Variants in FBRSL1 observed in about 807,000 individuals in gnomAD.
The protein encoded by FBRSL1 is fibrosin like 1, also known as fibrosin-1-like protein.
In FBRSL1, 51 loss-of-function variants were observed where a neutral mutation model predicts 89.6. The observed-to-expected ratio is 0.57, with a 90% confidence interval of 0.45 to 0.72. The LOEUF is 0.72. Among genes scored for constraint, FBRSL1 ranks in the 30% least tolerant of loss-of-function variants. FBRSL1 has a pLI of 0.00. For synonymous variants in FBRSL1, 779 were observed against 681.1 expected (o/e 1.14, Z -2.24); for missense variants, 1,618 against 1,451.8 (o/e 1.11, Z -1.86).
chr12:132,570,103 A>G lies in FBRSL1; in HGVS notation c.869A>G (p.Glu290Gly). 6.7e-7 allele frequency: 1 copy of G among 1,483,162 alleles called. No homozygotes were observed. Among genetic ancestry groups the G allele is most frequent in the African/African-American group, 1.5e-5 (1 of 67,988 alleles). The allele number at this position is 1,483,162 out of a possible 1,614,324, so 91.9% of individuals were successfully genotyped here. The change falls in exon 7 of 19, where the codon GAA (glutamate) becomes GGA (glycine). Residue 290 changes from glutamate to glycine, a missense_variant. By Grantham distance (98) the Glu-to-Gly change is moderately conservative. Coordinates refer to ENST00000680143, the MANE Select transcript of FBRSL1 (RefSeq NM_001367871.1). ...GSRANPLVKK[E>G]PPAPHRHTPQ... ...CGCGCCAATCCCTTGGTGAAGAAGG[A>G]ACCCCCCGCCCCGCACCGCCACACC...
intron 2 of FBRSL1, chr12:132,511,476 T>A: frequency 3.0e-6 from 3 of 985,960 alleles, no homozygotes; most frequent in Non-Finnish European, 3.6e-6. Flanking sequence ...CACTCGAGTC[T>A]TCTGGAGTCC....
intron 5 of FBRSL1, among the ~76,000 whole-genome samples, chr12:132,564,497 C>T (rs1410509756): frequency 2.1e-5 from 2 of 96,322 alleles, no homozygotes; most frequent in African/African-American, 1.4e-4. Context: ...CCCTCGCCCT[C>T]CAAGGTTTTT....
At chr12:132,533,030 T>A (rs1010362876) in intron 4 of FBRSL1, among the ~76,000 whole-genome samples, 1 of 152,186 alleles carries the variant, frequency 6.6e-6, no homozygotes, top group Non-Finnish European at 1.5e-5. Flanking sequence ...CCACAACTTG[T>A]ACAGAAGCAA....
At chr12:132,502,322 G>T (rs1327650203) in intron 1 of FBRSL1, among the ~76,000 whole-genome samples, 1 of 152,202 alleles carries the variant, frequency 6.6e-6, no homozygotes, top group Non-Finnish European at 1.5e-5. Context: ...CTGCCGCCCT[G>T]GGCCATCTTC....
chr12:132,576,644 T>C (rs564787043), intron 14 of FBRSL1, among the ~76,000 whole-genome samples, 155 bp from the exon 15 acceptor site: 3 of 152,186 alleles, frequency 2.0e-5, no homozygotes, highest in Non-Finnish European at 4.4e-5. Context: ...AACATTTCCG[T>C]CATCCTGAGT....
chr12:132,526,028 C>G (rs572479030), intron 3 of FBRSL1, among the ~76,000 whole-genome samples: 2 of 152,380 alleles, frequency 1.3e-5, no homozygotes, highest in South Asian at 2.1e-4. Flanking sequence ...GGTTTCCCAC[C>G]AAGGCTTTGT....
At chr12:132,505,657 G>T (rs1285728023) in intron 1 of FBRSL1, among the ~76,000 whole-genome samples, 1 of 152,212 alleles carries the variant, frequency 6.6e-6, no homozygotes, top group Non-Finnish European at 1.5e-5. Flanking sequence ...CAGCGGTGGG[G>T]CTGGCAAGGG....
At position 132,515,856 on chromosome 12, in the gene FBRSL1, C is replaced by T. The variant is rs553477648; in HGVS notation, c.489+7506C>T. Reference sequence around the variant, plus strand: ...TGGAGGTTGCAGTGAGCTGAGATCACGCCACTGCACTCCAGCCTGGGCAAC... The same window carrying T: ...TGGAGGTTGCAGTGAGCTGAGATCATGCCACTGCACTCCAGCCTGGGCAAC... On this transcript the variant is annotated intron_variant, in intron 2 of 18. Transcript: ENST00000680143. Among the ~76,000 whole-genome samples the T allele has an allele frequency of 1.1e-4, 16 of 145,398 alleles. 3 individuals are homozygous for T. The highest frequency in any genetic ancestry group is 3.4e-4 in the African/African-American group (13 of 38,774).
chr12:132,520,885 G>A (rs1331805059), intron 2 of FBRSL1, among the ~76,000 whole-genome samples: 3 of 152,194 alleles, frequency 2.0e-5, no homozygotes, highest in South Asian at 2.1e-4. Context: ...CAGGATTCGG[G>A]GACGGCTTTG....
chr12:132,569,536 A>C (rs954715360), intron 6 of FBRSL1, among the ~76,000 whole-genome samples: 1 of 152,192 alleles, frequency 6.6e-6, no homozygotes, highest in African/African-American at 2.4e-5. Context: ...TCCCGTGTTC[A>C]AATCCAGCTC....
At chr12:132,537,809 G>C (rs2036889180) in intron 4 of FBRSL1, among the ~76,000 whole-genome samples, 1 of 152,176 alleles carries the variant, frequency 6.6e-6, no homozygotes, top group South Asian at 2.1e-4. Context: ...CCAGCTAAGT[G>C]GACCCCATGG....
intron 1 of FBRSL1, among the ~76,000 whole-genome samples, chr12:132,494,027 G>C (rs2031576564): frequency 6.6e-6 from 1 of 152,096 alleles, no homozygotes; most frequent in South Asian, 2.1e-4. Flanking sequence ...GTGTGCTGGG[G>C]TGGGTGGGGC....
chr12:132,558,729 C>T (rs2038874387), intron 5 of FBRSL1, among the ~76,000 whole-genome samples: 1 of 152,234 alleles, frequency 6.6e-6, no homozygotes. Context: ...GGGAGCTGCT[C>T]CCGCGGTTTG....
At chr12:132,493,141 G>T (rs184572392) in intron 1 of FBRSL1, among the ~76,000 whole-genome samples, 2 of 152,352 alleles carry the variant, frequency 1.3e-5, no homozygotes, top group Admixed American at 1.3e-4. Context: ...ACGCCTGTCC[G>T]GCCTTAGAGT....
intron 1 of FBRSL1, among the ~76,000 whole-genome samples, chr12:132,495,460 T>C (rs1160916922): frequency 1.3e-5 from 2 of 151,986 alleles, no homozygotes; most frequent in Non-Finnish European, 2.9e-5. Flanking sequence ...TCTCAGATGG[T>C]GGTGGGGGCT....
chr12:132,521,706 G>C (rs888427475), intron 2 of FBRSL1, among the ~76,000 whole-genome samples: 6 of 152,210 alleles, frequency 3.9e-5, no homozygotes, highest in Admixed American at 1.3e-4. Context: ...GGGCTGCAGA[G>C]TATGGCTGTC....
Position 132,490,602 on chromosome 12 carries a change from C to T in FBRSL1, c.32C>T (p.Ser11Leu). MEAKVRPSRR[S>L]RAQRDRGRRR... Reference sequence around the variant, plus strand: ...GCCAAGGTCCGCCCGAGCCGGCGCTCGCGCGCGCAGCGGGACCGTGGCCGG... The same window carrying T: ...GCCAAGGTCCGCCCGAGCCGGCGCTTGCGCGCGCAGCGGGACCGTGGCCGG... Residue 11 changes from serine to leucine, a missense_variant, in exon 1 of 19, where the codon TCG becomes TTG. Physicochemically the swap from Ser to Leu is moderately radical, Grantham distance 145. Transcript: ENST00000680143. 2.0e-6 allele frequency: 2 copies of T among 982,824 alleles called. No homozygotes were observed. The highest frequency in any genetic ancestry group is 2.4e-6 in the Non-Finnish European group (2 of 829,668). 60.9% of individuals were successfully genotyped at this position (982,824 alleles called of 1,614,324 possible). A position where few individuals can be genotyped will look rare whatever the true frequency, so the allele number is the denominator to read the frequency against.
intron 1 of FBRSL1, among the ~76,000 whole-genome samples, chr12:132,491,193 C>G (rs1412696368): frequency 6.6e-6 from 1 of 152,226 alleles, no homozygotes; most frequent in East Asian, 1.9e-4. Context: ...ATCGCTCTGC[C>G]TGGTTCAGGA....
At chr12:132,496,705 C>T (rs578116302) in intron 1 of FBRSL1, among the ~76,000 whole-genome samples, 5 of 152,354 alleles carry the variant, frequency 3.3e-5, no homozygotes, top group Non-Finnish European at 7.3e-5. Context: ...ATCTGTGTCC[C>T]TCCCTCCTTC....
Sources: gnomAD v4.1 joint callset for allele counts (sites outside exome capture counted in the v4.1 genomes callset) on GRCh38, gnomAD v4.1.1 for gene constraint, MANE v1.5 for transcripts, NCBI Gene and HGNC (gene_info 2026-07-23, HGNC 2026-07-21) for gene names.